The following C4orf50 variants were observed in gnomAD, a reference collection of about 807,000 sequenced individuals.
The protein encoded by C4orf50 is chromosome 4 open reading frame 50.
A neutral mutation model predicts 77.2 loss-of-function variants in C4orf50; 80 were observed. That is an observed-to-expected ratio of 1.04 (90% confidence interval 0.87 to 1.25). C4orf50 has a LOEUF of 1.25. C4orf50 is among the 50% of genes most tolerant of loss of function. The pLI is 0.00. For missense variants in C4orf50, 1,257 were observed against 1,152.9 expected (o/e 1.09, Z -1.31); for synonymous variants, 532 against 465.3 (o/e 1.14, Z -1.84).
Position 6,003,620 on chromosome 4 carries a change from G to C in C4orf50, c.963+4376C>G, listed in dbSNP as rs1400052487. Among the ~76,000 whole-genome samples the C allele has an allele frequency of 2.2e-3, 311 of 141,084 alleles. 4 individuals carry two copies. The highest frequency in any genetic ancestry group is 8.2e-3 in the African/African-American group (272 of 33,052). 92.6% of individuals were successfully genotyped at this position (141,084 alleles called of 152,430 possible). Reference sequence around the variant, plus strand: ...TGGTGGTGATGGTGATGATGGTGATGGTGGTGATGACGGTGATGATGTGAT... The same window carrying C: ...TGGTGGTGATGGTGATGATGGTGATCGTGGTGATGACGGTGATGATGTGAT... On this transcript the variant is annotated intron_variant, in intron 25 of 33. Coordinates refer to ENST00000531445, the Ensembl canonical transcript of C4orf50.
In C4orf50 at chr4:6,015,670, C is replaced by CCT. The variant is rs912764018; in HGVS notation, c.287+2473_287+2474dup. 5.3e-5 allele frequency among the ~76,000 whole-genome samples: 8 copies of CCT among 152,144 alleles called. No individual in the cohort carries two copies. Among genetic ancestry groups the CCT allele is most frequent in the African/African-American group, 1.7e-4 (7 of 41,442 alleles). On this transcript the variant is annotated intron_variant, in intron 23 of 33. Transcript: ENST00000531445. The surrounding 1 kb of genome is among the most constrained non-coding windows in gnomAD (Gnocchi z 4.4). ...GCGGCCAGAAGTCGGAATCAGTCTT[C>CCT]CTGAGCTAGTCGAGCTGTCAGTGGA...
rs2152480744 is a variant in C4orf50, at chr4:5,908,225, A to C, written c.*2475-10037T>G. ...AGTGAGTAAAACAGACAAGCAAGCAAGTATAATGCCAGAACAGAAGGAAAT... is the reference window on the plus strand; with the variant it reads ...AGTGAGTAAAACAGACAAGCAAGCACGTATAATGCCAGAACAGAAGGAAAT... On this transcript the variant is annotated intron_variant, in intron 7 of 7. Coordinates refer to the C4orf50 transcript ENST00000324058. This position sits in a 1 kb window ranked among gnomAD's most constrained non-coding sequence, Gnocchi z 5.6. Among the ~76,000 whole-genome samples, 1 of 152,324 alleles carries C rather than the reference A, an allele frequency of 6.6e-6. No homozygotes were observed. Among genetic ancestry groups the C allele is most frequent in the East Asian group, 1.9e-4 (1 of 5,160 alleles).
intron 32 of C4orf50, among the ~76,000 whole-genome samples, chr4:5,966,928 G>A (rs545960954): frequency 6.9e-4 from 105 of 152,328 alleles, no homozygotes; most frequent in African/African-American, 2.3e-3. Flanking sequence ...GATTACAGGC[G>A]TGAGCCACTG....
At chr4:5,967,496 A>G (rs769555243) in intron 31 of C4orf50, 34 bp from the exon 10 acceptor site, 7 of 1,595,846 alleles carry the variant, frequency 4.4e-6, no homozygotes, top group Admixed American at 3.3e-5. Flanking sequence ...GTTATTCTGC[A>G]TGGCACTGGA....
chr4:5,921,852 G>A (rs546759992), intron 7 of C4orf50, among the ~76,000 whole-genome samples: 1 of 152,174 alleles, frequency 6.6e-6, no homozygotes, highest in East Asian at 1.9e-4. Flanking sequence ...TGAGGAAATG[G>A]GGCCAGGGAA....
In C4orf50 at chr4:6,018,500, A is replaced by C. The variant is rs1722766363; in HGVS notation, c.-69T>G. ...TGAGTTTGCAACATTGACTTCCCGG[A>C]GATTTCAAGGTGGTGTTTGTGACTT... On this transcript the variant is annotated 5_prime_UTR_variant, in exon 23 of 34. Coordinates refer to ENST00000531445, the Ensembl canonical transcript of C4orf50. The surrounding 1 kb of genome is among the most constrained non-coding windows in gnomAD (Gnocchi z 5.1). 2 of 398,316 alleles carry C rather than the reference A, an allele frequency of 5.0e-6. No individual in the cohort carries two copies. The highest frequency in any genetic ancestry group is 4.1e-5 in the African/African-American group (2 of 48,590). The allele number at this position is 398,316 out of a possible 1,614,324, so 24.7% of individuals were successfully genotyped here.
chr4:5,929,653 T>G (rs141234405), intron 7 of C4orf50, among the ~76,000 whole-genome samples: 1 of 152,362 alleles, frequency 6.6e-6, no homozygotes, highest in African/African-American at 2.4e-5. Flanking sequence ...TTTTTCTGAA[T>G]GAAGGATGCC....
chr4:5,954,728 A>C (rs1718875984), downstream of C4orf50, among the ~76,000 whole-genome samples: 1 of 152,140 alleles, frequency 6.6e-6, no homozygotes, highest in Non-Finnish European at 1.5e-5. This position sits in a 1 kb window ranked among gnomAD's most constrained non-coding sequence, Gnocchi z 4.7. Context: ...AGATAAACAA[A>C]TGTGGACATT....
intron 7 of C4orf50, chr4:5,898,525 G>A (rs936612934): frequency 1.3e-5 from 2 of 152,236 alleles, no homozygotes; most frequent in Non-Finnish European, 2.9e-5. Flanking sequence ...GTCGGCAGCA[G>A]AGCCGTCGCG....
At chr4:5,918,799 G>A (rs1468325367) in intron 7 of C4orf50, among the ~76,000 whole-genome samples, 1 of 152,210 alleles carries the variant, frequency 6.6e-6, no homozygotes, top group Non-Finnish European at 1.5e-5. Context: ...TTGCTTCTCA[G>A]CCTGGAGGCA....
chr4:6,007,490 T>G lies in C4orf50; in HGVS notation c.963+506A>C, dbSNP rs1473741125. On this transcript the variant is annotated intron_variant, in intron 25 of 33. Transcript: ENST00000531445. The surrounding 1 kb of genome is among the most constrained non-coding windows in gnomAD (Gnocchi z 4.1). ...CCCCAACACCAAATCTGCTGGTGCC[T>G]TGATCTTGGACCTCCAGCCTCCAAA... 2.0e-5 allele frequency among the ~76,000 whole-genome samples: 3 copies of G among 152,168 alleles called. No individual in the cohort carries two copies. The highest frequency in any genetic ancestry group is 1.3e-4 in the Admixed American group (2 of 15,274).
chr4:5,952,823 C>T (rs776263754), downstream of C4orf50, among the ~76,000 whole-genome samples: 7 of 152,146 alleles, frequency 4.6e-5, no homozygotes, highest in African/African-American at 7.2e-5. This position sits in a 1 kb window ranked among gnomAD's most constrained non-coding sequence, Gnocchi z 4.4. Context: ...TTCCCGACAC[C>T]GACACTCCCG....
rs1721378005 is a variant in C4orf50, at chr4:5,992,998, G to A, written c.1094-68C>T. On this transcript the variant is annotated intron_variant, in intron 26 of 33. Transcript: ENST00000531445. The surrounding 1 kb of genome is among the most constrained non-coding windows in gnomAD (Gnocchi z 5.0). ...GGGGCTCTGCCATGATCGCCTCTAG[G>A]GACCACGTCCCCCAGGCTTGGGTAA... 2 of 398,066 alleles carry A rather than the reference G, an allele frequency of 5.0e-6. No homozygotes were observed. Among genetic ancestry groups the A allele is most frequent in the Non-Finnish European group, 8.9e-6 (2 of 225,846 alleles). 24.7% of individuals were successfully genotyped at this position (398,066 alleles called of 1,614,324 possible).
At chr4:5,981,866 G>A (rs1231964921) in intron 28 of C4orf50, among the ~76,000 whole-genome samples, 1 of 152,026 alleles carries the variant, frequency 6.6e-6, no homozygotes, top group Non-Finnish European at 1.5e-5. Flanking sequence ...CTGTAAGGCA[G>A]CTTCCCTGGG....
rs28587063 is a variant in C4orf50, at chr4:5,916,824, C to A, written c.*2475-18636G>T. On this transcript the variant is annotated intron_variant, in intron 7 of 7. Transcript: ENST00000324058. The surrounding 1 kb of genome is among the most constrained non-coding windows in gnomAD (Gnocchi z 4.4). ...TCTGCTTAGAGGACAGGAGCCTCTGCTTGAGGTGGGCACAAGCAGAGTCTG... is the reference window on the plus strand; with the variant it reads ...TCTGCTTAGAGGACAGGAGCCTCTGATTGAGGTGGGCACAAGCAGAGTCTG... Among the ~76,000 whole-genome samples the A allele has an allele frequency of 0.059, 9,030 of 152,124 alleles. 510 individuals are homozygous for A. Among genetic ancestry groups the A allele is most frequent in the African/African-American group, 0.14 (5,889 of 41,486 alleles).
chr4:5,985,963 C>T (rs765714825), intron 28 of C4orf50, among the ~76,000 whole-genome samples: 45 of 151,868 alleles, frequency 3.0e-4, no homozygotes, highest in Non-Finnish European at 4.9e-4. Context: ...AGCGAGACAG[C>T]GTCTCAAAAA....
chr4:5,994,090 G>C (rs892324220), intron 26 of C4orf50, among the ~76,000 whole-genome samples: 3 of 152,134 alleles, frequency 2.0e-5, no homozygotes, highest in African/African-American at 7.2e-5. Flanking sequence ...CCTCCCGAGG[G>C]CCAAGGGTGT....
chr4:5,941,643 G>C (rs1718270819), intron 7 of C4orf50, among the ~76,000 whole-genome samples: 1 of 152,170 alleles, frequency 6.6e-6, no homozygotes, highest in African/African-American at 2.4e-5. Flanking sequence ...AGAAGACACG[G>C]CTTCTGCTCT....
At chr4:5,920,675 CCAT>C (rs2108737396) in intron 7 of C4orf50, among the ~76,000 whole-genome samples, 2 of 128,428 alleles carry the variant, frequency 1.6e-5, no homozygotes, top group South Asian at 5.6e-4. Flanking sequence ...TGGGCTTTCA[CCAT>C]TTGGCCAGGC....
Sources: gnomAD v4.1 joint callset for allele counts (sites outside exome capture counted in the v4.1 genomes callset) on GRCh38, gnomAD v4.1.1 for gene constraint, Gnocchi (gnomAD v3.1) non-coding constraint, MANE v1.5 for transcripts, NCBI Gene and HGNC (gene_info 2026-07-23, HGNC 2026-07-21) for gene names.